Variants in ZC3H4 observed in about 807,000 individuals in gnomAD.
The protein encoded by ZC3H4 is zinc finger CCCH domain-containing protein 4.
In ZC3H4, 13 loss-of-function variants were observed where a neutral mutation model predicts 108.3. The observed-to-expected ratio is 0.12, with a 90% confidence interval of 0.08 to 0.19. ZC3H4 has a LOEUF of 0.19. Ranked by LOEUF, ZC3H4 falls within the 10% of genes least tolerant of loss-of-function variation. The probability of loss-of-function intolerance (pLI) is 1.00; values close to 1 mark genes in which losing one functional copy is unlikely to be tolerated. For missense variants in ZC3H4, 1,734 were observed against 1,838.8 expected, an observed-to-expected ratio of 0.94 and a Z score of 1.04; for synonymous variants, 917 against 749.6, an observed-to-expected ratio of 1.22 and a Z score of -3.65.
chr19:47,093,921 T>A, intron 4 of ZC3H4, 49 bp downstream of exon 4: 1 of 1,532,798 alleles, frequency 6.5e-7, no homozygotes, highest in East Asian at 2.3e-5. Flanking sequence ...ACACAAGCAG[T>A]TGAACTCCTC....
intron 2 of ZC3H4, among the ~76,000 whole-genome samples, chr19:47,111,458 C>T (rs1317604544): frequency 1.3e-5 from 2 of 152,190 alleles, no homozygotes; most frequent in East Asian, 3.9e-4. Flanking sequence ...GACGGTGCCC[C>T]ATTTTACCCC....
chr19:47,068,995 T>C, intron 14 of ZC3H4, 97 bp downstream of exon 14: 2 of 1,575,736 alleles, frequency 1.3e-6, no homozygotes, highest in South Asian at 2.3e-5. Flanking sequence ...CATGGGCTCC[T>C]TCCTGACAGG....
chr19:47,091,164 T>C (rs376761340), intron 4 of ZC3H4, among the ~76,000 whole-genome samples: 2 of 152,096 alleles, frequency 1.3e-5, no homozygotes, highest in South Asian at 2.1e-4. Context: ...CCCAGCTACT[T>C]GAGAGGCTGA....
intron 11 of ZC3H4, among the ~76,000 whole-genome samples, chr19:47,075,853 G>A (rs561790674): frequency 5.8e-4 from 88 of 152,252 alleles, no homozygotes; most frequent in African/African-American, 1.6e-3. Context: ...AGTCAACTGC[G>A]GAGTCAACCC....
In ZC3H4 at chr19:47,066,697, C is replaced by A; in HGVS notation, c.3571G>T (p.Val1191Phe). The change falls in exon 15 of 15, where the codon GTC becomes TTC. Residue 1191 changes from valine (V) to phenylalanine (F), a missense_variant. Val to Phe is a conservative substitution (Grantham distance 50, BLOSUM62 -1). Transcript: ENST00000253048. ...GGCTGTTCCAGGGCAGACTTGCGGACGAACGGGGGCTCCTTAGCCTTGGAG... is the reference window on the plus strand; with the variant it reads ...GGCTGTTCCAGGGCAGACTTGCGGAAGAACGGGGGCTCCTTAGCCTTGGAG... ...SASKAKEPPF[V>F]RKSALEQPET... 6.2e-7 allele frequency: 1 copy of A among 1,609,718 alleles called. No homozygotes were observed. The highest frequency in any genetic ancestry group is 8.5e-7 in the Non-Finnish European group (1 of 1,178,868).
At chr19:47,092,405 AACCT>A (rs2057748675) in intron 4 of ZC3H4, among the ~76,000 whole-genome samples, 1 of 152,222 alleles carries the variant, frequency 6.6e-6, no homozygotes, top group African/African-American at 2.4e-5. Flanking sequence ...TTGAAGGCCA[AACCT>A]ACACCAGTAG....
rs181915310 is a variant in ZC3H4, at chr19:47,094,522, C to T, written c.248G>A (p.Arg83Gln). The T allele has an allele frequency of 9.9e-6, 16 of 1,614,214 alleles. No individual in the cohort carries two copies. The highest frequency in any genetic ancestry group is 6.7e-5 in the East Asian group (3 of 44,890). ...QDTSGGPERSRKEKGEKHHSD... is the reference protein window; with the variant it reads ...QDTSGGPERSQKEKGEKHHSD... Reference sequence around the variant, plus strand: ...GTGATGCTTCTCCCCCTTTTCTTTCCGGCTTCTCTCAGGCCCTCCGGAGGT... The same window carrying T: ...GTGATGCTTCTCCCCCTTTTCTTTCTGGCTTCTCTCAGGCCCTCCGGAGGT... Residue 83 changes from arginine to glutamine, a missense_variant, in exon 3 of 15, where the codon CGG (arginine) becomes CAG (glutamine). Arg to Gln is a conservative substitution (Grantham distance 43, BLOSUM62 1). Transcript: ENST00000253048.
chr19:47,107,414 G>A (rs546638777), intron 2 of ZC3H4, among the ~76,000 whole-genome samples: 8 of 152,204 alleles, frequency 5.3e-5, no homozygotes, highest in African/African-American at 1.7e-4. Context: ...GCACACTGCC[G>A]GGGAGAAGCC....
rs1311158102 is a variant in ZC3H4 at position 47,084,055 on chromosome 19, T to C, written c.1218+290A>G. On this transcript the variant is annotated intron_variant, in intron 9 of 14. Transcript: ENST00000253048. ...GATATGCTGCTGCTTTGCATTCACA[T>C]CAACCTCCATAATTACGTTTCAGGC... Among the ~76,000 whole-genome samples the C allele has an allele frequency of 3.3e-5, 5 of 152,288 alleles. No homozygotes were observed. In the East Asian group the frequency reaches 9.6e-4, roughly 29 times the overall value.
At chr19:47,075,298 C>A (rs2057400522) in intron 11 of ZC3H4, among the ~76,000 whole-genome samples, 2 of 152,180 alleles carry the variant, frequency 1.3e-5, no homozygotes, top group South Asian at 4.1e-4. Flanking sequence ...GCGTGGGCAC[C>A]ACCACCTGAG....
rs148480867 is a variant in ZC3H4 at position 47,071,966 on chromosome 19, G to A, written c.1958C>T (p.Pro653Leu). 6.9e-5 allele frequency: 112 copies of A among 1,611,776 alleles called. No individual in the cohort carries two copies. Among genetic ancestry groups the A allele is most frequent in the Middle Eastern group, 6.6e-4 (4 of 6,058 alleles). ...DMHADMHADM[P>L]MGPGMNPGPP... ...GCCAGGATTCATGCCAGGGCCCATC[G>A]GCATGTCTGCGTGCATGTCTGCGTG... is the stretch of plus-strand genomic sequence containing the variant. Residue 653 changes from proline (P) to leucine (L), a missense_variant, in exon 13 of 15, where the codon CCG (proline) becomes CTG (leucine). This residue lies in a region of ZC3H4 where 540 missense variants were observed against 484.1 expected (regional missense o/e 1.12). Transcript: ENST00000253048.
chr19:47,108,415 T>C (rs1214390052), intron 2 of ZC3H4, among the ~76,000 whole-genome samples: 12 of 152,150 alleles, frequency 7.9e-5, no homozygotes, highest in Non-Finnish European at 1.6e-4. Context: ...GGAGAGATGT[T>C]TCTACAGGCC....
intron 9 of ZC3H4, among the ~76,000 whole-genome samples, chr19:47,083,832 A>AT (rs2057566470): frequency 1.3e-5 from 2 of 152,150 alleles, no homozygotes; most frequent in Non-Finnish European, 2.9e-5. Context: ...GCTGCCTGGG[A>AT]TACTGGGGTA....
rs528103369 is a variant in ZC3H4, at chr19:47,111,007, T to C, written c.161+1417A>G. On this transcript the variant is annotated intron_variant, in intron 2 of 14. Transcript: ENST00000253048. ...AGGTGGGAGTGGGGAGAAGGGGTCGTACGTACAGCCTGGCAAGGGAAGCCC... is the reference window on the plus strand; with the variant it reads ...AGGTGGGAGTGGGGAGAAGGGGTCGCACGTACAGCCTGGCAAGGGAAGCCC... The C allele has an allele frequency of 1.3e-5, 10 of 788,024 alleles. No individual in the cohort carries two copies. In the South Asian group the frequency reaches 1.7e-4, roughly 14 times the overall value. The allele number at this position is 788,024 out of a possible 1,614,324, so 48.8% of individuals were successfully genotyped here.
At position 47,067,367 on chromosome 19, in the gene ZC3H4, G is replaced by A. The variant is rs764694721; in HGVS notation, c.2901C>T (p.Thr967=). Residue 967 remains threonine, a synonymous_variant, in exon 15 of 15, where the codon ACC becomes ACT. Coordinates refer to ENST00000253048, the MANE Select transcript of ZC3H4 (RefSeq NM_015168.2). The surrounding 1 kb of genome is among the most constrained non-coding windows in gnomAD (Gnocchi z 6.4). The part of the protein sequence containing the change: ...QQFSHIKKDV[T]LSKPSFARTV... ...TGCGGGCGAAGCTGGGCTTGCTCAG[G>A]GTCACGTCCTTCTTGATGTGGCTGA... is the stretch of plus-strand genomic sequence containing the variant. The A allele has an allele frequency of 1.9e-6, 3 of 1,607,610 alleles. No individual in the cohort carries two copies. The African/African-American group carries it at 4.0e-5, about 21-fold the overall frequency.
intron 11 of ZC3H4, among the ~76,000 whole-genome samples, chr19:47,076,907 C>T (rs564048246): frequency 7.9e-5 from 12 of 151,996 alleles, no homozygotes; most frequent in African/African-American, 1.9e-4. Flanking sequence ...GCAGGAGAAT[C>T]GCTTGAACCT....
At chr19:47,103,458 C>T (rs2057928427) in intron 2 of ZC3H4, among the ~76,000 whole-genome samples, 1 of 152,132 alleles carries the variant, frequency 6.6e-6, no homozygotes, top group Middle Eastern at 3.2e-3. Context: ...CATGCACCAC[C>T]ATGCCCAGCT....
At chr19:47,096,934 G>T in intron 2 of ZC3H4, 1 of 985,414 alleles carries the variant, frequency 1.0e-6, no homozygotes, top group Non-Finnish European at 1.2e-6. Context: ...CGGCACAGCA[G>T]GCGACAGTCT....
At chr19:47,089,023 T>C (rs1271651574) in intron 5 of ZC3H4, among the ~76,000 whole-genome samples, 1 of 151,362 alleles carries the variant, frequency 6.6e-6, no homozygotes, top group East Asian at 2.0e-4. Flanking sequence ...CTGACCAACA[T>C]GGTGAAACTC....
Sources: gnomAD v4.1 joint callset for allele counts (sites outside exome capture counted in the v4.1 genomes callset) on GRCh38, gnomAD v4.1.1 for gene constraint, gnomAD v4.1.1 regional missense constraint, Gnocchi (gnomAD v3.1) non-coding constraint, MANE v1.5 for transcripts, NCBI Gene and HGNC (gene_info 2026-07-23, HGNC 2026-07-21) for gene names.